TAF4B: variants seen among roughly 807,000 people sequenced by gnomAD.
TAF4B encodes the protein transcription initiation factor TFIID subunit 4B.
Under a neutral mutation model 86.4 loss-of-function variants are expected in TAF4B, and 38 were observed. The ratio of observed to expected loss-of-function variants is 0.44; its 90% CI spans 0.34 to 0.58. The LOEUF (loss-of-function observed/expected upper bound fraction) is 0.58, where lower values mean the gene tolerates loss of function less well. TAF4B is among the 20% of genes least tolerant of loss of function. The probability of loss-of-function intolerance (pLI) is 0.02; values close to 1 mark genes in which losing one functional copy is unlikely to be tolerated. For synonymous variants in TAF4B, 388 were observed against 391.2 expected, an observed-to-expected ratio of 0.99 and a Z score of 0.10; for missense variants, 988 against 1,027.6, an observed-to-expected ratio of 0.96 and a Z score of 0.53.
intron 14 of TAF4B, among the ~76,000 whole-genome samples, chr18:26,377,951 T>C (rs144562697): frequency 1.3e-5 from 2 of 152,320 alleles, no homozygotes; most frequent in Non-Finnish European, 2.9e-5. Context: ...TAAAGGTAAT[T>C]GTTAGTTAAA....
intron 14 of TAF4B, among the ~76,000 whole-genome samples, chr18:26,368,537 A>G (rs2057385798): frequency 6.6e-6 from 1 of 152,144 alleles, no homozygotes; most frequent in South Asian, 2.1e-4. Flanking sequence ...ATTCTCTTCT[A>G]CCAGGCTACA....
At chr18:26,355,024 G>A (rs866245986) in intron 13 of TAF4B, among the ~76,000 whole-genome samples, 40 of 152,158 alleles carry the variant, frequency 2.6e-4, no homozygotes, top group African/African-American at 8.9e-4. Flanking sequence ...CCTGGACACA[G>A]CATGTCTCTC....
chr18:26,263,918 C>A lies in TAF4B; in HGVS notation c.344-1252C>A, dbSNP rs562360326. ...TTGTCTAAGAGTTTAAAAATTTTTG[C>A]CTTTTACTTTTATATTCTTAATACA... On this transcript the variant is annotated intron_variant, in intron 1 of 14. Transcript: ENST00000269142. Among the ~76,000 whole-genome samples, 39 of 152,160 alleles carry A rather than the reference C, an allele frequency of 2.6e-4. 2 individuals are homozygous for A. The highest frequency in any genetic ancestry group is 9.4e-4 in the African/African-American group (39 of 41,510).
intron 10 of TAF4B, among the ~76,000 whole-genome samples, chr18:26,318,521 A>T (rs577835750): frequency 6.6e-6 from 1 of 152,184 alleles, no homozygotes; most frequent in Non-Finnish European, 1.5e-5. Context: ...TTTTGGAAAA[A>T]GGATTTTTCT....
At position 26,267,546 on chromosome 18, in the gene TAF4B, G is replaced by T; in HGVS notation, c.520G>T (p.Ala174Ser). Residue 174 changes from alanine (A) to serine (S), a missense_variant, in exon 3 of 15, where the codon GCA becomes TCA. Transcript: ENST00000269142. ...TAGCTCACAATTAATCAAGAAAGTG[G>T]CAGTGACACCTGTTAAAAAATTGGC... is the stretch of plus-strand genomic sequence containing the variant. The part of the protein sequence containing the change: ...NSSSQLIKKV[A>S]VTPVKKLAQI... 1 of 1,614,098 alleles carries T rather than the reference G, an allele frequency of 6.2e-7. No homozygotes were observed. The highest frequency in any genetic ancestry group is 8.5e-7 in the Non-Finnish European group (1 of 1,179,984).
At chr18:26,299,345 G>A (rs1273804759) in intron 9 of TAF4B, among the ~76,000 whole-genome samples, 1 of 151,948 alleles carries the variant, frequency 6.6e-6, no homozygotes, top group Non-Finnish European at 1.5e-5. Context: ...ATTATTCTAG[G>A]ATCATGAATT....
intron 13 of TAF4B, among the ~76,000 whole-genome samples, chr18:26,346,759 G>GTGTATGTATATATATATATA (rs1202008455): frequency 3.7e-5 from 1 of 27,112 alleles, no homozygotes; most frequent in Non-Finnish European, 9.0e-5. Context: ...ATATATGTGT[G>GTGTATGTATATATATATATA]TATATATATA....
chr18:26,280,131 G>C (rs2056430424), intron 5 of TAF4B, among the ~76,000 whole-genome samples: 1 of 151,904 alleles, frequency 6.6e-6, no homozygotes, highest in South Asian at 2.1e-4. Context: ...AATGAAACTG[G>C]ACCCCTACTT....
intron 1 of TAF4B, among the ~76,000 whole-genome samples, chr18:26,247,613 A>C (rs538851353): frequency 6.6e-6 from 1 of 152,016 alleles, no homozygotes; most frequent in Non-Finnish European, 1.5e-5. Context: ...GGGCATGGTG[A>C]CTCACATCTT....
chr18:26,356,171 T>C (rs1193039875), intron 13 of TAF4B, among the ~76,000 whole-genome samples: 1 of 152,166 alleles, frequency 6.6e-6, no homozygotes, highest in Non-Finnish European at 1.5e-5. Flanking sequence ...ACTTGCGCAC[T>C]ATGTTCTCAC....
intron 14 of TAF4B, among the ~76,000 whole-genome samples, chr18:26,381,864 T>C (rs940758349): frequency 1.3e-5 from 2 of 152,134 alleles, no homozygotes; most frequent in Non-Finnish European, 2.9e-5. Context: ...CTCCCTGATA[T>C]GTTATTATTA....
chr18:26,302,884 C>T (rs1291942216), intron 9 of TAF4B, among the ~76,000 whole-genome samples: 2 of 151,900 alleles, frequency 1.3e-5, no homozygotes, highest in Non-Finnish European at 2.9e-5. Context: ...TAAAATGCCT[C>T]TAATCAATAG....
chr18:26,278,059 G>A (rs1313110268), intron 5 of TAF4B, among the ~76,000 whole-genome samples: 1 of 152,144 alleles, frequency 6.6e-6, no homozygotes, highest in Non-Finnish European at 1.5e-5. Flanking sequence ...ACCCAAGTCT[G>A]AATAACCACA....
chr18:26,246,243 T>G (rs1340069489), intron 1 of TAF4B, among the ~76,000 whole-genome samples: 1 of 152,096 alleles, frequency 6.6e-6, no homozygotes, highest in Non-Finnish European at 1.5e-5. Flanking sequence ...ATAATACCAG[T>G]GTATGGGTTT....
At chr18:26,284,513 C>T (rs2056486725) in intron 6 of TAF4B, among the ~76,000 whole-genome samples, 1 of 152,202 alleles carries the variant, frequency 6.6e-6, no homozygotes, top group Admixed American at 6.5e-5. Flanking sequence ...TGAAAAGGCA[C>T]AACCTATTAG....
intron 1 of TAF4B, among the ~76,000 whole-genome samples, chr18:26,249,799 TA>T (rs1206781937): frequency 6.6e-6 from 1 of 152,142 alleles, no homozygotes; most frequent in Non-Finnish European, 1.5e-5. Flanking sequence ...CTCAGTTCAT[TA>T]TAATCTCCAC....
chr18:26,324,555 T>C (rs1421683201), intron 11 of TAF4B, among the ~76,000 whole-genome samples: 1 of 152,260 alleles, frequency 6.6e-6, no homozygotes, highest in Non-Finnish European at 1.5e-5. Flanking sequence ...TGGAATTCTT[T>C]TGTTGTATAT....
At chr18:26,372,555 A>C (rs11877707) in intron 14 of TAF4B, among the ~76,000 whole-genome samples, 17,155 of 152,214 alleles carry the variant, frequency 0.11, 996 homozygotes, top group Middle Eastern at 0.14. Context: ...AACCTACATC[A>C]GGGCTATATT....
intron 13 of TAF4B, among the ~76,000 whole-genome samples, chr18:26,346,248 A>G (rs1295562767): frequency 1.3e-5 from 2 of 152,172 alleles, no homozygotes; most frequent in African/African-American, 4.8e-5. Flanking sequence ...ACCTTTAACA[A>G]TACCCTACAC....
Sources: allele counts gnomAD v4.1 joint callset (sites outside exome capture counted in the v4.1 genomes callset), GRCh38; gene constraint gnomAD v4.1.1; transcripts MANE v1.5; gene names NCBI Gene and HGNC (gene_info 2026-07-23, HGNC 2026-07-21).